Variants in SH2D6 observed in about 807,000 individuals in gnomAD.
SH2D6 encodes the protein SH2 domain-containing protein 6.
SH2D6 carries 31 observed loss-of-function variants against 30.2 expected under a neutral mutation model. The ratio of observed to expected loss-of-function variants is 1.03; its 90% CI spans 0.77 to 1.38. The LOEUF is 1.38. Among genes scored for constraint, SH2D6 ranks in the 40% most tolerant of loss-of-function variants. The pLI, the probability that SH2D6 is intolerant of heterozygous loss-of-function variation, is 0.00. For synonymous variants in SH2D6, 93 were observed against 104.6 expected (o/e 0.89, Z 0.68); for missense variants, 240 against 266.8 (o/e 0.90, Z 0.70).
At chr2:85,434,628 A>C (rs1689179447) in intron 19 of SH2D6, 131 bp downstream of exon 19, 21 of 1,369,980 alleles carry the variant, frequency 1.5e-5, no homozygotes, top group Middle Eastern at 2.6e-4. Context: ...AAAAAAAAAA[A>C]AAAAAAACTA....
At chr2:85,422,360 GCTCT>G (rs1216282690) in intron 3 of SH2D6, 46 bp downstream of exon 3, 1 of 152,014 alleles carries the variant, frequency 6.6e-6, no homozygotes, top group Non-Finnish European at 1.5e-5. Context: ...TAAAAAGAAT[GCTCT>G]CTCTCTTTGT....
At chr2:85,420,202 T>G (rs1687696665) in intron 2 of SH2D6, among the ~76,000 whole-genome samples, 2 of 152,158 alleles carry the variant, frequency 1.3e-5, no homozygotes, top group African/African-American at 4.8e-5. Flanking sequence ...CCTCCCGGGC[T>G]TAAGCGGTTC....
At chr2:85,423,981 G>A (rs1049604407) in intron 5 of SH2D6, among the ~76,000 whole-genome samples, 3 of 152,198 alleles carry the variant, frequency 2.0e-5, no homozygotes, top group African/African-American at 7.2e-5. Context: ...AGGACTCAAG[G>A]CCCCTTACCC....
chr2:85,430,534 C>G lies in SH2D6; in HGVS notation c.136-4C>G, dbSNP rs145913131. On this transcript the variant is annotated splice_region_variant and splice_polypyrimidine_tract_variant and intron_variant, in intron 11 of 23. Coordinates refer to ENST00000469800, the MANE Select transcript of SH2D6 (RefSeq NM_001394463.1). This position sits in a 1 kb window ranked among gnomAD's most constrained non-coding sequence, Gnocchi z 4.3. The stretch of plus-strand genomic sequence containing the variant: ...CCTGCTGTGCTGAGCATCCCTTCCT[C>G]CAGGCCCAGGAGGAGGACGAGGAGG... 4.3e-3 allele frequency: 655 copies of G among 153,302 alleles called. 4 individuals carry two copies. The highest frequency in any genetic ancestry group is 6.5e-3 in the Non-Finnish European group (443 of 68,452). 9.5% of individuals were successfully genotyped at this position (153,302 alleles called of 1,614,324 possible).
intron 14 of SH2D6, among the ~76,000 whole-genome samples, chr2:85,432,422 G>T (rs1688812286): frequency 6.7e-6 from 1 of 149,240 alleles, no homozygotes; most frequent in African/African-American, 2.5e-5. Flanking sequence ...TTTTTTTTGA[G>T]ACGGAGTCTT....
chr2:85,434,459 C>A lies in SH2D6; in HGVS notation c.565-14C>A, dbSNP rs371858329. 6.4e-7 allele frequency: 1 copy of A among 1,550,478 alleles called. No homozygotes were observed. Reference sequence around the variant, plus strand: ...GGGGCCCGGCCTCTTCTGATCAGACCTCCTGTATGCCAGGGAACAGCAGAT... The same window carrying A: ...GGGGCCCGGCCTCTTCTGATCAGACATCCTGTATGCCAGGGAACAGCAGAT... On this transcript the variant is annotated splice_polypyrimidine_tract_variant and intron_variant, in intron 18 of 23. Transcript: ENST00000469800.
intron 5 of SH2D6, among the ~76,000 whole-genome samples, 198 bp downstream of exon 5, chr2:85,422,888 T>C (rs1162075388): frequency 6.6e-6 from 1 of 152,160 alleles, no homozygotes; most frequent in Non-Finnish European, 1.5e-5. Flanking sequence ...TTTTGTTTGT[T>C]TGTTTTGTTT....
chr2:85,421,071 C>T (rs1161772694), intron 2 of SH2D6, among the ~76,000 whole-genome samples: 3 of 152,222 alleles, frequency 2.0e-5, no homozygotes, highest in African/African-American at 4.8e-5. Context: ...TCTCTCCTAA[C>T]GGGGAGGGTA....
Position 85,433,105 on chromosome 2 carries a change from G to C in SH2D6, c.377G>C (p.Gly126Ala). 1 of 985,962 alleles carries C rather than the reference G, an allele frequency of 1.0e-6. No homozygotes were observed. Among genetic ancestry groups the C allele is most frequent in the Non-Finnish European group, 1.2e-6 (1 of 829,982 alleles). The allele number at this position is 985,962 out of a possible 1,614,324, so 61.1% of individuals were successfully genotyped here. Residue 126 changes from glycine to alanine, a missense_variant, in exon 15 of 24, where the codon GGT becomes GCT. By Grantham distance (60) the Gly-to-Ala change is moderately conservative (BLOSUM62 0). Transcript: ENST00000469800. ...TCTCTCCTTTTCCTTTCAGAGCAGG[G>C]TGCATCGTCCAGAGTGGTGAGCAGC... ...QGPIFGRREQ[G>A]ASSRVVPGPP...
chr2:85,435,570 G>T (rs933741775), intron 21 of SH2D6, 74 bp downstream of exon 21: 16 of 1,590,240 alleles, frequency 1.0e-5, no homozygotes, highest in Admixed American at 5.2e-5. Context: ...GAGCAGTGGG[G>T]AGCAGGAGGG....
At position 85,423,897 on chromosome 2, in the gene SH2D6, G is replaced by A. The variant is rs114535629; in HGVS notation, c.-309+1207G>A. Among the ~76,000 whole-genome samples, 35 of 152,332 alleles carry A rather than the reference G, an allele frequency of 2.3e-4. 1 individual carries two copies. The South Asian group carries it at 6.2e-3, about 27-fold the overall frequency. ...AACTTGAACCCAACCACAGAGTTCC[G>A]TTGGCTGTAGGCCCTTCCACCAGGA... On this transcript the variant is annotated intron_variant, in intron 5 of 23. Coordinates refer to ENST00000469800, the MANE Select transcript of SH2D6 (RefSeq NM_001394463.1).
intron 19 of SH2D6, 151 bp from the exon 20 acceptor site, chr2:85,434,914 G>A: frequency 6.9e-6 from 11 of 1,595,302 alleles, no homozygotes; most frequent in Non-Finnish European, 9.4e-6. Context: ...TGGATCTGGA[G>A]AGTGGAGGAA....
intron 23 of SH2D6, 69 bp from the exon 24 acceptor site, chr2:85,436,768 C>T (rs1386941148): frequency 6.9e-6 from 4 of 579,584 alleles, no homozygotes; most frequent in Non-Finnish European, 1.2e-5. Flanking sequence ...CCACCCCATG[C>T]TCACCTAGAG....
At chr2:85,429,229 A>C (rs1006642644) in intron 7 of SH2D6, 143 bp from the exon 8 acceptor site, 7 of 152,282 alleles carry the variant, frequency 4.6e-5, no homozygotes, top group African/African-American at 1.7e-4. Flanking sequence ...TCTTCCTCTT[A>C]TCGTGCAGAG....
intron 6 of SH2D6, among the ~76,000 whole-genome samples, chr2:85,427,670 C>T (rs75796415): frequency 7.0e-4 from 106 of 152,312 alleles, no homozygotes; most frequent in Non-Finnish European, 1.2e-3. Context: ...GGGAAGTTGC[C>T]GCCTGCCTTA....
chr2:85,432,613 G>A (rs1382701549), intron 14 of SH2D6, among the ~76,000 whole-genome samples: 4 of 152,042 alleles, frequency 2.6e-5, no homozygotes, highest in African/African-American at 9.7e-5. Context: ...TGTTAGCCAG[G>A]ATGGTCTCGA....
At position 85,436,883 on chromosome 2, in the gene SH2D6, G is replaced by A. The variant is rs1689521421; in HGVS notation, c.*59G>A. On this transcript the variant is annotated 3_prime_UTR_variant, in exon 24 of 24. Coordinates refer to ENST00000469800, the MANE Select transcript of SH2D6 (RefSeq NM_001394463.1). ...TCACTAGGTCCTGGATGAAGGAACC[G>A]TGGTGGCCTAGACCAGTCAGGGGAC... 2 of 366,812 alleles carry A rather than the reference G, an allele frequency of 5.5e-6. No homozygotes were observed. The highest frequency in any genetic ancestry group is 2.1e-5 in the African/African-American group (1 of 48,036). The allele number at this position is 366,812 out of a possible 1,614,324, so 22.7% of individuals were successfully genotyped here.
At chr2:85,435,375 G>A (rs755046222) in intron 20 of SH2D6, 38 bp from the exon 21 acceptor site, 2 of 1,601,938 alleles carry the variant, frequency 1.2e-6, no homozygotes, top group Non-Finnish European at 1.7e-6. Flanking sequence ...CTGATTGAGT[G>A]CCCTGGCATG....
chr2:85,423,494 A>G (rs1286785229), intron 5 of SH2D6, among the ~76,000 whole-genome samples: 1 of 152,138 alleles, frequency 6.6e-6, no homozygotes, highest in Non-Finnish European at 1.5e-5. Flanking sequence ...TGACCTCCCA[A>G]AGTGCTGGGG....
Sources: allele counts gnomAD v4.1 joint callset (sites outside exome capture counted in the v4.1 genomes callset), GRCh38; gene constraint gnomAD v4.1.1; non-coding constraint Gnocchi (gnomAD v3.1); transcripts MANE v1.5; gene names NCBI Gene and HGNC (gene_info 2026-07-23, HGNC 2026-07-21).